Variants in CACNG8 observed in about 807,000 individuals in gnomAD.
CACNG8 encodes voltage-dependent calcium channel gamma-8 subunit.
CACNG8 carries 5 observed loss-of-function variants against 26.9 expected under a neutral mutation model. That is an observed-to-expected ratio of 0.19 (90% CI 0.10 to 0.39). CACNG8 has a LOEUF of 0.39. Among genes scored for constraint, CACNG8 ranks in the 10% least tolerant of loss-of-function variants. The pLI, the probability that CACNG8 is intolerant of heterozygous loss-of-function variation, is 1.00. For synonymous variants in CACNG8, 321 were observed against 296.7 expected, an observed-to-expected ratio of 1.08 and a Z score of -0.84; for missense variants, 473 against 609.4, an observed-to-expected ratio of 0.78 and a Z score of 2.36.
At chr19:53,969,548 C>T (rs1296907025) in intron 1 of CACNG8, among the ~76,000 whole-genome samples, 2 of 151,986 alleles carry the variant, frequency 1.3e-5, no homozygotes, top group Non-Finnish European at 2.9e-5. Context: ...GAGTGAGCCA[C>T]CCTGCCCGGC....
In CACNG8 at chr19:53,982,933, C is replaced by A. The variant is rs1185179971; in HGVS notation, c.*84C>A. 4 of 930,758 alleles carry A rather than the reference C, an allele frequency of 4.3e-6. No individual in the cohort carries two copies. Among genetic ancestry groups the A allele is most frequent in the African/African-American group, 3.5e-5 (2 of 56,492 alleles). The allele number at this position is 930,758 out of a possible 1,614,324, so 57.7% of individuals were successfully genotyped here. On this transcript the variant is annotated 3_prime_UTR_variant, in exon 4 of 4. Coordinates refer to ENST00000270458, the MANE Select transcript of CACNG8 (RefSeq NM_031895.6). The surrounding 1 kb of genome is among the most constrained non-coding windows in gnomAD (Gnocchi z 8.4). ...CGAGGCTGCCGGGGTCGGGGGCGCCCCCGCTTTCCCCCGTGAGCGCGCTGG... is the reference window on the plus strand; with the variant it reads ...CGAGGCTGCCGGGGTCGGGGGCGCCACCGCTTTCCCCCGTGAGCGCGCTGG...
At chr19:53,963,544 A>AGAGGAG in intron 1 of CACNG8, 119 bp downstream of exon 1, 1 of 1,040,922 alleles carries the variant, frequency 9.6e-7, no homozygotes, top group Non-Finnish European at 1.3e-6. Context: ...CTCCTCTGCC[A>AGAGGAG]GAGGGGCTTC....
chr19:53,963,194 G>T lies in CACNG8; in HGVS notation c.52G>T (p.Gly18Trp). Residue 18 changes from glycine to tryptophan, a missense_variant, in exon 1 of 4, where the codon GGG (glycine) becomes TGG (tryptophan). Coordinates refer to ENST00000270458, the MANE Select transcript of CACNG8 (RefSeq NM_031895.6). ...AGAGCGGGGCCTCTGGTGCGAGAAGGGGGTGCAGGTGCTGCTGACGACGGT... is the reference window on the plus strand; with the variant it reads ...AGAGCGGGGCCTCTGGTGCGAGAAGTGGGTGCAGGTGCTGCTGACGACGGT... 1 of 1,594,360 alleles carries T rather than the reference G, an allele frequency of 6.3e-7. No individual in the cohort carries two copies. The highest frequency in any genetic ancestry group is 8.5e-7 in the Non-Finnish European group (1 of 1,172,320).
intron 3 of CACNG8, among the ~76,000 whole-genome samples, chr19:53,980,260 G>A (rs1284581976): frequency 6.6e-6 from 1 of 152,136 alleles, no homozygotes; most frequent in Non-Finnish European, 1.5e-5. Context: ...GACACAGGCA[G>A]GTGTCTGGCG....
chr19:53,963,558 G>A, intron 1 of CACNG8, 133 bp downstream of exon 1: 2 of 887,046 alleles, frequency 2.3e-6, no homozygotes, highest in Non-Finnish European at 3.2e-6. Flanking sequence ...GGGCTTCTGC[G>A]CCTTCCCACT....
chr19:53,975,181 C>A (rs564545141), intron 1 of CACNG8, among the ~76,000 whole-genome samples: 1 of 152,030 alleles, frequency 6.6e-6, no homozygotes, highest in African/African-American at 2.4e-5. Flanking sequence ...TTCTCTTGAC[C>A]TTGTGATCCA....
At chr19:53,968,521 G>A (rs1405293965) in intron 1 of CACNG8, among the ~76,000 whole-genome samples, 3 of 152,058 alleles carry the variant, frequency 2.0e-5, no homozygotes, top group Non-Finnish European at 4.4e-5. Flanking sequence ...TGTAATTCCA[G>A]CACTTTGGGA....
Position 53,963,222 on chromosome 19 carries a change from GCGCCTTCGC to G in CACNG8, c.89_97del (p.Ala30_Phe32del), listed in dbSNP as rs759705070. 2 of 1,607,940 alleles carry G rather than the reference GCGCCTTCGC, an allele frequency of 1.2e-6. No homozygotes were observed. The highest frequency in any genetic ancestry group is 1.7e-6 in the Non-Finnish European group (2 of 1,178,186). On this transcript the variant is annotated inframe_deletion, in exon 1 of 4. Coordinates refer to ENST00000270458, the MANE Select transcript of CACNG8 (RefSeq NM_031895.6). ...GTGCAGGTGCTGCTGACGACGGTGG[GCGCCTTCGC>G]CGCCTTCGGCCTCATGACCATCGCC...
chr19:53,978,803 A>T (rs532932656), intron 2 of CACNG8, among the ~76,000 whole-genome samples: 66 of 124,672 alleles, frequency 5.3e-4, no homozygotes, highest in African/African-American at 1.9e-3. Context: ...GAGAGAGATA[A>T]GGGGAAGAAG....
chr19:53,978,722 T>C, intron 2 of CACNG8, among the ~76,000 whole-genome samples: 1 of 135,736 alleles, frequency 7.4e-6, no homozygotes, highest in East Asian at 2.2e-4. Flanking sequence ...TTGCCTGGGG[T>C]TTTAGGGGTG....
intron 1 of CACNG8, among the ~76,000 whole-genome samples, chr19:53,965,515 C>G (rs1455426946): frequency 6.6e-6 from 1 of 151,864 alleles, no homozygotes; most frequent in African/African-American, 2.4e-5. Context: ...GGGCTCCCAT[C>G]ATGGGAGCCC....
At chr19:53,971,458 C>T (rs1362916728) in intron 1 of CACNG8, among the ~76,000 whole-genome samples, 2 of 152,050 alleles carry the variant, frequency 1.3e-5, no homozygotes, top group African/African-American at 2.4e-5. Flanking sequence ...TTTCCCCATC[C>T]TGAGTCTGAA....
chr19:53,982,761 C>A lies in CACNG8; in HGVS notation c.1190C>A (p.Ala397Glu). ...GCCCCGCCCGCGCCCGCGCCACCCG[C>A]GCCCTCTGCGCCCGCCCCCGGGACC... Residue 397 changes from alanine (A) to glutamate (E), a missense_variant, in exon 4 of 4, where the codon GCG (alanine) becomes GAG (glutamate). Ala to Glu is a moderately radical substitution (Grantham distance 107). This residue lies in a region of CACNG8 where 212 missense variants were observed against 214.4 expected (regional missense o/e 0.99). Coordinates refer to ENST00000270458, the MANE Select transcript of CACNG8 (RefSeq NM_031895.6). The surrounding 1 kb of genome is among the most constrained non-coding windows in gnomAD (Gnocchi z 8.4). The A allele has an allele frequency of 8.0e-7, 1 of 1,247,126 alleles. No individual in the cohort carries two copies. Among genetic ancestry groups the A allele is most frequent in the South Asian group, 2.6e-5 (1 of 38,222 alleles). 77.3% of individuals were successfully genotyped at this position (1,247,126 alleles called of 1,614,324 possible).
chr19:53,982,740 C>A lies in CACNG8; in HGVS notation c.1169C>A (p.Pro390Gln). Residue 390 changes from proline (P) to glutamine (Q), a missense_variant, in exon 4 of 4, where the codon CCG becomes CAG. Pro to Gln is a moderately conservative substitution (Grantham distance 76). Around this residue, in one of 6 missense-constraint regions of CACNG8, gnomAD observed 212 missense variants for 214.4 expected, o/e 0.99. Coordinates refer to ENST00000270458, the MANE Select transcript of CACNG8 (RefSeq NM_031895.6). This position sits in a 1 kb window ranked among gnomAD's most constrained non-coding sequence, Gnocchi z 8.4. Reference sequence around the variant, plus strand: ...GTCACGGTCACCGGGCCGCCCGCCCCGCCCGCGCCCGCGCCACCCGCGCCC... The same window carrying A: ...GTCACGGTCACCGGGCCGCCCGCCCAGCCCGCGCCCGCGCCACCCGCGCCC... 2 of 1,195,510 alleles carry A rather than the reference C, an allele frequency of 1.7e-6. No individual in the cohort carries two copies. Among genetic ancestry groups the A allele is most frequent in the Non-Finnish European group, 2.1e-6 (2 of 970,150 alleles). 74.1% of individuals were successfully genotyped at this position (1,195,510 alleles called of 1,614,324 possible).
rs1157145232 is a variant in CACNG8 at position 53,982,217 on chromosome 19, G to T, written c.646G>T (p.Ala216Ser). Residue 216 changes from alanine to serine, a missense_variant, in exon 4 of 4, where the codon GCC becomes TCC. Ala to Ser is a moderately conservative substitution (Grantham distance 99). Coordinates refer to ENST00000270458, the MANE Select transcript of CACNG8 (RefSeq NM_031895.6). This position sits in a 1 kb window ranked among gnomAD's most constrained non-coding sequence, Gnocchi z 8.4. ...CTTCGGCGGGCTGTCGTTCATCCTG[G>T]CCGAGGTGATAGGCGTGCTGGCCGT... 1 of 1,613,140 alleles carries T rather than the reference G, an allele frequency of 6.2e-7. No homozygotes were observed. The highest frequency in any genetic ancestry group is 1.7e-5 in the Admixed American group (1 of 59,990).
rs760287234 is a variant in CACNG8, at chr19:53,963,235, C to T, written c.93C>T (p.Ala31=). ...TGACGACGGTGGGCGCCTTCGCCGC[C>T]TTCGGCCTCATGACCATCGCCATCA... is the stretch of plus-strand genomic sequence containing the variant. Residue 31 remains alanine (A), a synonymous_variant, in exon 1 of 4, where the codon GCC becomes GCT. Coordinates refer to ENST00000270458, the MANE Select transcript of CACNG8 (RefSeq NM_031895.6). 1 of 1,609,764 alleles carries T rather than the reference C, an allele frequency of 6.2e-7. No homozygotes were observed. The highest frequency in any genetic ancestry group is 1.1e-5 in the South Asian group (1 of 90,824).
intron 2 of CACNG8, among the ~76,000 whole-genome samples, 192 bp from the exon 3 acceptor site, chr19:53,979,675 C>T (rs1259863512): frequency 6.6e-6 from 1 of 151,538 alleles, no homozygotes; most frequent in Non-Finnish European, 1.5e-5. Flanking sequence ...AAAATCAGAC[C>T]GAGAAATAGA....
At position 53,982,887 on chromosome 19, in the gene CACNG8, C is replaced by T. The variant is rs1255073937; in HGVS notation, c.*38C>T. On this transcript the variant is annotated 3_prime_UTR_variant, in exon 4 of 4. Transcript: ENST00000270458. The surrounding 1 kb of genome is among the most constrained non-coding windows in gnomAD (Gnocchi z 8.4). ...GGAGCCGAGGGGCGTGTCCGGGGCGCGTGCGCGGGCGCGCGTGCATCGAGG... is the reference window on the plus strand; with the variant it reads ...GGAGCCGAGGGGCGTGTCCGGGGCGTGTGCGCGGGCGCGCGTGCATCGAGG... The T allele has an allele frequency of 9.0e-6, 11 of 1,218,464 alleles. No individual in the cohort carries two copies. The highest frequency in any genetic ancestry group is 1.1e-5 in the Non-Finnish European group (11 of 976,472). 75.5% of individuals were successfully genotyped at this position (1,218,464 alleles called of 1,614,324 possible).
Position 53,980,079 on chromosome 19 carries a change from T to C in CACNG8, c.508+72T>C, listed in dbSNP as rs1452098006. 1,007 of 1,419,372 alleles carry C rather than the reference T, an allele frequency of 7.1e-4. 1 individual carries two copies. The East Asian group carries it at 0.015, about 21-fold the overall frequency. The allele number at this position is 1,419,372 out of a possible 1,614,324, so 87.9% of individuals were successfully genotyped here. On this transcript the variant is annotated intron_variant, in intron 3 of 3. Transcript: ENST00000270458. ...GCACGTGTGTGTGTGTGTGTGTGTGTGTGTGTGCGCGCGCGCGCGTGAGTG... is the reference window on the plus strand; with the variant it reads ...GCACGTGTGTGTGTGTGTGTGTGTGCGTGTGTGCGCGCGCGCGCGTGAGTG...
Sources: allele counts gnomAD v4.1 joint callset (sites outside exome capture counted in the v4.1 genomes callset), GRCh38; gene constraint gnomAD v4.1.1; regional missense constraint gnomAD v4.1.1; non-coding constraint Gnocchi (gnomAD v3.1); transcripts MANE v1.5; gene names NCBI Gene and HGNC (gene_info 2026-07-23, HGNC 2026-07-21).